Variants in EXOC6B observed in about 807,000 individuals in gnomAD.
The protein encoded by EXOC6B is exocyst complex component 6B.
Under a neutral mutation model 113.5 loss-of-function variants are expected in EXOC6B, and 54 were observed. The observed-to-expected ratio is 0.48, with a 90% CI of 0.38 to 0.60. The LOEUF (loss-of-function observed/expected upper bound fraction) is 0.60, where lower values mean the gene tolerates loss of function less well. Among genes scored for constraint, EXOC6B ranks in the 20% least tolerant of loss-of-function variants. The probability of loss-of-function intolerance (pLI) is 0.00; values close to 1 mark genes in which losing one functional copy is unlikely to be tolerated. For missense variants in EXOC6B, 797 were observed against 977.5 expected, an observed-to-expected ratio of 0.82 and a Z score of 2.46; for synonymous variants, 357 against 339.0, an observed-to-expected ratio of 1.05 and a Z score of -0.58.
intron 20 of EXOC6B, among the ~76,000 whole-genome samples, chr2:72,313,512 C>G (rs1364183488): frequency 6.6e-6 from 1 of 152,150 alleles, no homozygotes; most frequent in Non-Finnish European, 1.5e-5. Context: ...CTCACTATCT[C>G]TGCATAAGAG....
intron 6 of EXOC6B, among the ~76,000 whole-genome samples, chr2:72,717,591 CAT>C (rs995308234): frequency 4.1e-4 from 63 of 152,234 alleles, no homozygotes; most frequent in African/African-American, 1.5e-3. Context: ...ATACTGCTAA[CAT>C]ATTTTTTAAT....
chr2:72,521,267 C>G (rs1701471607), intron 8 of EXOC6B, among the ~76,000 whole-genome samples: 1 of 152,146 alleles, frequency 6.6e-6, no homozygotes, highest in African/African-American at 2.4e-5. Flanking sequence ...GCAGCCTTCA[C>G]TAGACAAAAG....
intron 20 of EXOC6B, among the ~76,000 whole-genome samples, chr2:72,306,943 G>C (rs1423792494): frequency 2.0e-5 from 3 of 151,682 alleles, no homozygotes; most frequent in African/African-American, 7.3e-5. Flanking sequence ...GCTTTTTTAG[G>C]TGCTCATTTC....
At position 72,745,432 on chromosome 2, in the gene EXOC6B, A is replaced by G. The variant is rs183075956; in HGVS notation, c.114-3963T>C. On this transcript the variant is annotated intron_variant, in intron 1 of 21. Transcript: ENST00000272427. The stretch of plus-strand genomic sequence containing the variant: ...GAATAACATGAAAGGTTTGCAGTAG[A>G]TCGCCAGAGTATTTTGAGAATTAAA... 2.1e-4 allele frequency among the ~76,000 whole-genome samples: 32 copies of G among 152,272 alleles called. No homozygotes were observed. The East Asian group carries it at 4.8e-3, about 23-fold the overall frequency.
chr2:72,669,572 T>C (rs1461730738), intron 6 of EXOC6B, among the ~76,000 whole-genome samples: 2 of 152,202 alleles, frequency 1.3e-5, no homozygotes, highest in East Asian at 3.8e-4. Context: ...ACAGTATCCT[T>C]TCCTAATTAT....
intron 6 of EXOC6B, among the ~76,000 whole-genome samples, chr2:72,691,727 G>C (rs1238390323): frequency 1.3e-5 from 2 of 150,544 alleles, no homozygotes; most frequent in Admixed American, 1.3e-4. Flanking sequence ...TGTCGCCCAG[G>C]CTGGAGTACT....
intron 6 of EXOC6B, among the ~76,000 whole-genome samples, chr2:72,615,713 T>C (rs1298093537): frequency 3.3e-5 from 5 of 152,132 alleles, no homozygotes; most frequent in Admixed American, 3.3e-4. Flanking sequence ...GGATGTACTA[T>C]ACTATACTTT....
intron 1 of EXOC6B, among the ~76,000 whole-genome samples, chr2:72,764,132 C>A (rs1682914581): frequency 6.6e-6 from 1 of 151,976 alleles, no homozygotes; most frequent in South Asian, 2.1e-4. Context: ...TTCCCTTTAT[C>A]CATTTTAGAT....
At chr2:72,262,226 C>A (rs1289906194) in intron 20 of EXOC6B, among the ~76,000 whole-genome samples, 1 of 151,844 alleles carries the variant, frequency 6.6e-6, no homozygotes, top group Admixed American at 6.6e-5. Context: ...TTCCTTGGGT[C>A]TCCACTCCTG....
intron 20 of EXOC6B, among the ~76,000 whole-genome samples, chr2:72,202,977 C>A (rs1356143088): frequency 6.6e-6 from 1 of 152,220 alleles, no homozygotes; most frequent in East Asian, 1.9e-4. Context: ...GGCCAGTTCA[C>A]GACGTTCATC....
Position 72,469,503 on chromosome 2 carries a change from CTT to C in EXOC6B, c.1801-4166_1801-4165del, listed in dbSNP as rs530512512. Among the ~76,000 whole-genome samples, 96 of 151,942 alleles carry C rather than the reference CTT, an allele frequency of 6.3e-4. 1 individual carries two copies. Among genetic ancestry groups the C allele is most frequent in the Admixed American group, 1.0e-3 (16 of 15,258 alleles). ...AATTATAATAAGTTGTATTTTAATT[CTT>C]GTTTATTTTGAAATATTTCTCTTGA... On this transcript the variant is annotated intron_variant, in intron 17 of 21. Coordinates refer to ENST00000272427, the MANE Select transcript of EXOC6B (RefSeq NM_015189.3).
intron 1 of EXOC6B, among the ~76,000 whole-genome samples, chr2:72,756,419 TTC>T (rs1302146221): frequency 6.6e-6 from 1 of 152,156 alleles, no homozygotes; most frequent in Admixed American, 6.6e-5. Context: ...TGATATATAT[TTC>T]TGAGTTTGGA....
chr2:72,718,022 A>G, intron 6 of EXOC6B, 81 bp downstream of exon 6: 1 of 992,602 alleles, frequency 1.0e-6, no homozygotes, highest in South Asian at 1.8e-5. Context: ...GATAATGACT[A>G]GACACTTGGC....
intron 19 of EXOC6B, among the ~76,000 whole-genome samples, chr2:72,338,016 T>C (rs1688790348): frequency 6.6e-6 from 1 of 152,174 alleles, no homozygotes; most frequent in Non-Finnish European, 1.5e-5. Context: ...TGAGTATCAA[T>C]AAACAGGCTT....
At chr2:72,645,189 A>C (rs1673608926) in intron 6 of EXOC6B, among the ~76,000 whole-genome samples, 1 of 152,212 alleles carries the variant, frequency 6.6e-6, no homozygotes, top group Non-Finnish European at 1.5e-5. Flanking sequence ...AAAAGAGACA[A>C]AGAAGGCCAT....
intron 6 of EXOC6B, among the ~76,000 whole-genome samples, chr2:72,671,775 GAA>G (rs1417491491): frequency 1.0e-5 from 1 of 98,170 alleles, no homozygotes; most frequent in South Asian, 3.2e-4. Flanking sequence ...AAGAAAGAAA[GAA>G]AGAAAGAAAG....
chr2:72,823,576 G>C (rs183908025), intron 1 of EXOC6B, among the ~76,000 whole-genome samples: 17 of 151,226 alleles, frequency 1.1e-4, no homozygotes, highest in Middle Eastern at 3.4e-3. Flanking sequence ...TTGAACCCAG[G>C]AATTCAAGAC....
chr2:72,721,260 C>T (rs748210207), intron 5 of EXOC6B, among the ~76,000 whole-genome samples: 22 of 149,298 alleles, frequency 1.5e-4, no homozygotes, highest in Non-Finnish European at 2.5e-4. Flanking sequence ...CCCTAGGAGA[C>T]GGAGGGTGCA....
At chr2:72,640,479 G>A (rs867798301) in intron 6 of EXOC6B, among the ~76,000 whole-genome samples, 1 of 152,126 alleles carries the variant, frequency 6.6e-6, no homozygotes, top group Admixed American at 6.5e-5. Context: ...AACCTAGCTG[G>A]AGAGGCCAGC....
Sources: gnomAD v4.1 joint callset for allele counts (sites outside exome capture counted in the v4.1 genomes callset) on GRCh38, gnomAD v4.1.1 for gene constraint, MANE v1.5 for transcripts, NCBI Gene and HGNC (gene_info 2026-07-23, HGNC 2026-07-21) for gene names.